The following PCDH10 variants were observed in gnomAD, a reference collection of about 807,000 sequenced individuals.
PCDH10 encodes the protein protocadherin 10.
In PCDH10, 15 loss-of-function variants were observed where a neutral mutation model predicts 74.4. The ratio of observed to expected loss-of-function variants is 0.20; its 90% CI spans 0.13 to 0.31. PCDH10 has a LOEUF of 0.31. PCDH10 is among the 10% of genes least tolerant of loss of function. The probability of loss-of-function intolerance (pLI) is 1.00; values close to 1 mark genes in which losing one functional copy is unlikely to be tolerated. For synonymous variants in PCDH10, 619 were observed against 589.8 expected, an observed-to-expected ratio of 1.05 and a Z score of -0.72; for missense variants, 1,260 against 1,390.2, an observed-to-expected ratio of 0.91 and a Z score of 1.49.
chr4:133,172,441 T>A (rs2125866982), intron 4 of PCDH10, among the ~76,000 whole-genome samples: 1 of 152,048 alleles, frequency 6.6e-6, no homozygotes, highest in South Asian at 2.1e-4. Context: ...TTAATCAAGG[T>A]ATAATATGCA....
At position 133,191,414 on chromosome 4, in the gene PCDH10, A is replaced by G. The variant is rs1455917617; in HGVS notation, c.*1254A>G. The G allele has an allele frequency of 6.6e-6, 1 of 152,238 alleles. No individual in the cohort carries two copies. Among genetic ancestry groups the G allele is most frequent in the Non-Finnish European group, 1.5e-5 (1 of 67,782 alleles). The allele number at this position is 152,238 out of a possible 1,614,324, so 9.4% of individuals were successfully genotyped here. On this transcript the variant is annotated 3_prime_UTR_variant, in exon 5 of 5. Transcript: ENST00000264360. ...AATTTAAAATAAATTTAGAGATAGA[A>G]TCATGGTACATTATTGTTTCAGTAT...
At chr4:133,158,519 T>C (rs981634383) in intron 3 of PCDH10, among the ~76,000 whole-genome samples, 1 of 152,136 alleles carries the variant, frequency 6.6e-6, no homozygotes, top group Non-Finnish European at 1.5e-5. Context: ...ATCTTCCAAA[T>C]ATGTTTAGTT....
intron 4 of PCDH10, among the ~76,000 whole-genome samples, chr4:133,181,423 A>G (rs1727414658): frequency 6.6e-6 from 1 of 152,078 alleles, no homozygotes; most frequent in Non-Finnish European, 1.5e-5. Context: ...CTTTAGTGGT[A>G]AGTAGTGTCA....
chr4:133,155,797 C>T lies in PCDH10; in HGVS notation c.2797+774C>T, dbSNP rs75164829. On this transcript the variant is annotated intron_variant, in intron 3 of 4. Transcript: ENST00000264360. The stretch of plus-strand genomic sequence containing the variant: ...GTCAAGTTTTATGAGATCCTGGTAA[C>T]TCTTATTACTAATACTAAAAGGAAA... Among the ~76,000 whole-genome samples the T allele has an allele frequency of 3.7e-3, 568 of 152,174 alleles. 2 individuals are homozygous for T. The highest frequency in any genetic ancestry group is 0.013 in the African/African-American group (526 of 41,506).
chr4:133,150,689 G>C lies in PCDH10; in HGVS notation c.549G>C (p.Leu183=). 2 of 1,613,132 alleles carry C rather than the reference G, an allele frequency of 1.2e-6. No homozygotes were observed. Among genetic ancestry groups the C allele is most frequent in the Non-Finnish European group, 1.7e-6 (2 of 1,179,944 alleles). ...TQGDGNRFAE[L]VLEKPLDREQ... Reference sequence around the variant, plus strand: ...GGGATGGCAACCGATTCGCTGAGCTGGTGCTGGAGAAGCCACTGGACCGAG... The same window carrying C: ...GGGATGGCAACCGATTCGCTGAGCTCGTGCTGGAGAAGCCACTGGACCGAG... Residue 183 remains leucine, a synonymous_variant, in exon 1 of 5, where the codon CTG becomes CTC. Transcript: ENST00000264360.
At chr4:133,203,520 G>A (rs1262412396) in intron 2 of PCDH10, among the ~76,000 whole-genome samples, 3 of 152,108 alleles carry the variant, frequency 2.0e-5, no homozygotes, top group Non-Finnish European at 4.4e-5. Context: ...ACCCTATCAA[G>A]CTGAGAATCA....
chr4:133,190,307 T>C lies in PCDH10; in HGVS notation c.*147T>C. On this transcript the variant is annotated 3_prime_UTR_variant, in exon 5 of 5. Transcript: ENST00000264360. Reference sequence around the variant, plus strand: ...TTCGGATGGAGTCATCATGGCCAATTATAGGACCTAATTGCTCTCAGCAGG... The same window carrying C: ...TTCGGATGGAGTCATCATGGCCAATCATAGGACCTAATTGCTCTCAGCAGG... 4 of 715,828 alleles carry C rather than the reference T, an allele frequency of 5.6e-6. No homozygotes were observed. Among genetic ancestry groups the C allele is most frequent in the Non-Finnish European group, 1.0e-5 (4 of 393,996 alleles). The allele number at this position is 715,828 out of a possible 1,614,324, so 44.3% of individuals were successfully genotyped here. A position where few individuals can be genotyped will look rare whatever the true frequency, so the allele number is the denominator to read the frequency against.
In PCDH10 at chr4:133,150,000, T is replaced by C. The variant is rs1726617232; in HGVS notation, c.-141T>C. ...AAAATGAAGCAAAAGGAGTAAGATT[T>C]TTAAAGACAGAAAGCCACAGGAGCC... On this transcript the variant is annotated 5_prime_UTR_variant, in exon 1 of 5. Coordinates refer to ENST00000264360, the MANE Select transcript of PCDH10 (RefSeq NM_032961.3). 1.7e-5 allele frequency: 21 copies of C among 1,244,036 alleles called. No individual in the cohort carries two copies. 77.1% of individuals were successfully genotyped at this position (1,244,036 alleles called of 1,614,324 possible).
intron 3 of PCDH10, among the ~76,000 whole-genome samples, chr4:133,159,145 G>C (rs923593676): frequency 1.3e-5 from 2 of 151,812 alleles, no homozygotes; most frequent in Non-Finnish European, 2.9e-5. Flanking sequence ...AAAAATAAAC[G>C]CTTTGAATGA....
chr4:133,183,717 A>C (rs1020281383), intron 4 of PCDH10, among the ~76,000 whole-genome samples: 1 of 152,124 alleles, frequency 6.6e-6, no homozygotes, highest in Non-Finnish European at 1.5e-5. Flanking sequence ...CTAGGTGAGA[A>C]AATTAGGATG....
At chr4:133,174,455 G>T (rs1727254034) in intron 4 of PCDH10, among the ~76,000 whole-genome samples, 1 of 151,604 alleles carries the variant, frequency 6.6e-6, no homozygotes, top group African/African-American at 2.4e-5. Context: ...AATAATAACA[G>T]AAGTAACTAC....
chr4:133,189,724 T>A (rs1318002280), intron 4 of PCDH10, among the ~76,000 whole-genome samples: 2 of 152,184 alleles, frequency 1.3e-5, no homozygotes, highest in East Asian at 3.9e-4. Context: ...TATGTATAAT[T>A]TATAGTTTAT....
At chr4:133,186,493 T>A (rs1727543843) in intron 4 of PCDH10, among the ~76,000 whole-genome samples, 1 of 152,152 alleles carries the variant, frequency 6.6e-6, no homozygotes, top group Non-Finnish European at 1.5e-5. Context: ...TTCCAAAACA[T>A]ACATAGAATA....
chr4:133,179,016 C>T (rs1578571747), intron 4 of PCDH10, among the ~76,000 whole-genome samples: 1 of 152,128 alleles, frequency 6.6e-6, no homozygotes, highest in Admixed American at 6.6e-5. Context: ...CATCTCATTT[C>T]ATCTCTTTTT....
chr4:133,186,234 C>A (rs970013439), intron 4 of PCDH10, among the ~76,000 whole-genome samples: 2 of 151,994 alleles, frequency 1.3e-5, no homozygotes, highest in African/African-American at 4.8e-5. Context: ...ACATTTTCAC[C>A]TGTGGTTTAG....
At chr4:133,205,374 G>A (rs1300614063) in intron 2 of PCDH10, among the ~76,000 whole-genome samples, 1 of 152,166 alleles carries the variant, frequency 6.6e-6, no homozygotes, top group Non-Finnish European at 1.5e-5. Flanking sequence ...CGTCTTCTAA[G>A]GGAAGTGGAC....
In PCDH10 at chr4:133,192,845, C is replaced by G. The variant is rs960099573; in HGVS notation, c.*2685C>G. On this transcript the variant is annotated 3_prime_UTR_variant, in exon 5 of 5. Coordinates refer to ENST00000264360, the MANE Select transcript of PCDH10 (RefSeq NM_032961.3). ...GGGGACTATAAAATGGAAAGTGCAA[C>G]CAACAAATAATGAAGGTTTCTAATT... The G allele has an allele frequency of 6.6e-6, 1 of 151,344 alleles. No individual in the cohort carries two copies. Among genetic ancestry groups the G allele is most frequent in the South Asian group, 2.1e-4 (1 of 4,822 alleles). 9.4% of individuals were successfully genotyped at this position (151,344 alleles called of 1,614,324 possible). A position where few individuals can be genotyped will look rare whatever the true frequency, so the allele number is the denominator to read the frequency against.
Position 133,152,696 on chromosome 4 carries a change from C to G in PCDH10, c.2556C>G (p.Pro852=). Residue 852 remains proline (P), a synonymous_variant, in exon 1 of 5, where the codon CCC becomes CCG. Coordinates refer to ENST00000264360, the MANE Select transcript of PCDH10 (RefSeq NM_032961.3). The part of the protein sequence containing the change: ...PSRSTDTEHN[P]CGAIVTGYTD... ...GGAGTACGGACACTGAGCACAACCC[C>G]TGCGGGGCCATCGTCACCGGTTACA... is the stretch of plus-strand genomic sequence containing the variant. The G allele has an allele frequency of 6.2e-7, 1 of 1,614,218 alleles. No individual in the cohort carries two copies. The highest frequency in any genetic ancestry group is 8.5e-7 in the Non-Finnish European group (1 of 1,180,048).
chr4:133,162,142 A>G (rs551633098), intron 3 of PCDH10, among the ~76,000 whole-genome samples: 1 of 152,208 alleles, frequency 6.6e-6, no homozygotes, highest in East Asian at 1.9e-4. Flanking sequence ...TAAGCAAACA[A>G]CTCTTTGTTG....
Sources: allele counts gnomAD v4.1 joint callset (sites outside exome capture counted in the v4.1 genomes callset), GRCh38; gene constraint gnomAD v4.1.1; transcripts MANE v1.5; gene names NCBI Gene and HGNC (gene_info 2026-07-23, HGNC 2026-07-21).